Variants in TBC1D22A observed in about 807,000 individuals in gnomAD.
TBC1D22A encodes TBC1 domain family member 22A.
In TBC1D22A, 38 loss-of-function variants were observed where a neutral mutation model predicts 60.2. The observed-to-expected ratio is 0.63, with a 90% CI of 0.49 to 0.83. The LOEUF (loss-of-function observed/expected upper bound fraction) is 0.83, where lower values mean the gene tolerates loss of function less well. Ranked by LOEUF, TBC1D22A falls within the 40% of genes least tolerant of loss-of-function variation. The pLI, the probability that TBC1D22A is intolerant of heterozygous loss-of-function variation, is 0.00. For missense variants in TBC1D22A, 628 were observed against 701.0 expected (o/e 0.90, Z 1.18); for synonymous variants, 302 against 281.7 (o/e 1.07, Z -0.72).
rs183752271 is a variant in TBC1D22A, at chr22:46,892,066, C to T, written c.837+672C>T. ...CATCCAGAATTTGCTGTTAGAATAGCTCTTTGAGGACTTTATAATTCTCAC... is the reference window on the plus strand; with the variant it reads ...CATCCAGAATTTGCTGTTAGAATAGTTCTTTGAGGACTTTATAATTCTCAC... On this transcript the variant is annotated intron_variant, in intron 6 of 12. Coordinates refer to ENST00000337137, the MANE Select transcript of TBC1D22A (RefSeq NM_014346.5). Among the ~76,000 whole-genome samples the T allele has an allele frequency of 6.6e-5, 10 of 152,248 alleles. No homozygotes were observed. The East Asian group carries it at 1.9e-3, about 29-fold the overall frequency.
intron 12 of TBC1D22A, among the ~76,000 whole-genome samples, chr22:47,137,694 G>T (rs13058066): frequency 6.6e-6 from 1 of 152,076 alleles, no homozygotes; most frequent in African/African-American, 2.4e-5. Flanking sequence ...TGAAGCAGGC[G>T]GTATCTTCAT....
At chr22:46,942,977 A>G (rs2072266241) in intron 8 of TBC1D22A, among the ~76,000 whole-genome samples, 1 of 152,202 alleles carries the variant, frequency 6.6e-6, no homozygotes, top group Non-Finnish European at 1.5e-5. Context: ...TGCGTCACCC[A>G]GGACCGCAGG....
chr22:46,826,072 G>T (rs972181827), intron 4 of TBC1D22A, among the ~76,000 whole-genome samples: 1 of 151,956 alleles, frequency 6.6e-6, no homozygotes, highest in Admixed American at 6.6e-5. Context: ...TTAGTGAGAT[G>T]GGGTTTCACC....
intron 8 of TBC1D22A, among the ~76,000 whole-genome samples, chr22:46,953,533 C>G (rs913634116): frequency 6.6e-6 from 1 of 151,952 alleles, no homozygotes; most frequent in African/African-American, 2.4e-5. Context: ...TGGCCTTAAA[C>G]ATGATTTCTT....
At chr22:47,023,238 A>T (rs945002082) in intron 10 of TBC1D22A, among the ~76,000 whole-genome samples, 2 of 152,260 alleles carry the variant, frequency 1.3e-5, no homozygotes, top group African/African-American at 4.8e-5. Context: ...AATGAAAAGC[A>T]TACTGTGTGG....
At chr22:46,820,808 T>C (rs1306622899) in intron 4 of TBC1D22A, among the ~76,000 whole-genome samples, 4 of 152,242 alleles carry the variant, frequency 2.6e-5, no homozygotes. Flanking sequence ...CTTGTTGATC[T>C]AATACTGATA....
At chr22:47,091,402 G>A (rs548870040) in intron 11 of TBC1D22A, among the ~76,000 whole-genome samples, 19 of 137,056 alleles carry the variant, frequency 1.4e-4, no homozygotes, top group Admixed American at 2.9e-4. Context: ...ACGAGAAGTC[G>A]TCTTTGGTGG....
intron 12 of TBC1D22A, among the ~76,000 whole-genome samples, chr22:47,158,407 G>A (rs1483322779): frequency 6.6e-6 from 1 of 152,316 alleles, no homozygotes; most frequent in South Asian, 2.1e-4. Context: ...CACAAAAAAA[G>A]AAGAAAGGGG....
At chr22:47,147,489 A>G (rs777339239) in intron 12 of TBC1D22A, among the ~76,000 whole-genome samples, 22 of 152,154 alleles carry the variant, frequency 1.4e-4, no homozygotes, top group Non-Finnish European at 2.8e-4. Flanking sequence ...CGGTCCTCCA[A>G]CACACACACG....
chr22:46,773,897 C>G (rs2083592175), intron 1 of TBC1D22A: 2 of 980,902 alleles, frequency 2.0e-6, no homozygotes, highest in Non-Finnish European at 1.2e-6. Flanking sequence ...CCACACAGCT[C>G]ATAAGTGGCA....
chr22:47,173,469 C>T, intron 12 of TBC1D22A, 29 bp from the exon 13 acceptor site: 1 of 1,612,322 alleles, frequency 6.2e-7, no homozygotes, highest in South Asian at 1.1e-5. Flanking sequence ...GTCACCTCCT[C>T]TGACCTGGGC....
chr22:46,945,352 TGTG>T (rs1353175424), intron 8 of TBC1D22A, among the ~76,000 whole-genome samples: 63 of 152,332 alleles, frequency 4.1e-4, no homozygotes, highest in Non-Finnish European at 2.9e-5. Flanking sequence ...GTTTGACCGT[TGTG>T]GTGGAGGCGG....
At chr22:46,992,273 C>G (rs749977238) in intron 9 of TBC1D22A, among the ~76,000 whole-genome samples, 14 of 152,276 alleles carry the variant, frequency 9.2e-5, no homozygotes, top group Non-Finnish European at 1.6e-4. Context: ...ACAGGACACG[C>G]TGGATCCCTC....
chr22:46,837,414 G>C (rs2086571495), intron 4 of TBC1D22A, among the ~76,000 whole-genome samples: 1 of 152,164 alleles, frequency 6.6e-6, no homozygotes, highest in Non-Finnish European at 1.5e-5. Context: ...GATATAGACA[G>C]ACCATTCCAT....
rs2068582649 is a variant in TBC1D22A at position 47,173,782 on chromosome 22, T to C, written c.*156T>C. On this transcript the variant is annotated 3_prime_UTR_variant, in exon 13 of 13. Transcript: ENST00000337137. ...AGCTGGTGAAGATGGGCCACAGACCTGGTCTAGGGCTGACAAAGACAGGGA... is the reference window on the plus strand; with the variant it reads ...AGCTGGTGAAGATGGGCCACAGACCCGGTCTAGGGCTGACAAAGACAGGGA... The C allele has an allele frequency of 3.4e-6, 4 of 1,172,968 alleles. No homozygotes were observed. In the Admixed American group the frequency reaches 8.8e-5, roughly 26 times the overall value. The allele number at this position is 1,172,968 out of a possible 1,614,324, so 72.7% of individuals were successfully genotyped here.
At chr22:47,166,181 C>G (rs1355221355) in intron 12 of TBC1D22A, among the ~76,000 whole-genome samples, 2 of 152,074 alleles carry the variant, frequency 1.3e-5, no homozygotes, top group Admixed American at 1.3e-4. Flanking sequence ...CCTGGGGGAG[C>G]CTTCCGGTAT....
At chr22:47,133,006 A>G (rs1209935146) in intron 12 of TBC1D22A, among the ~76,000 whole-genome samples, 1 of 152,254 alleles carries the variant, frequency 6.6e-6, no homozygotes, top group Non-Finnish European at 1.5e-5. Flanking sequence ...CCACCGTCTC[A>G]GGGAGCCAAG....
At chr22:46,871,387 C>T (rs991074529) in intron 4 of TBC1D22A, among the ~76,000 whole-genome samples, 7 of 152,066 alleles carry the variant, frequency 4.6e-5, no homozygotes, top group South Asian at 2.1e-4. Flanking sequence ...TATAAAATAC[C>T]GCATCTACTA....
intron 12 of TBC1D22A, among the ~76,000 whole-genome samples, chr22:47,144,742 G>C (rs971314340): frequency 4.5e-5 from 6 of 134,700 alleles, no homozygotes; most frequent in Non-Finnish European, 8.1e-5. Context: ...GGTGCCTGCT[G>C]GCTGAGATCC....
Sources: allele counts gnomAD v4.1 joint callset (sites outside exome capture counted in the v4.1 genomes callset), GRCh38; gene constraint gnomAD v4.1.1; transcripts MANE v1.5; gene names NCBI Gene and HGNC (gene_info 2026-07-23, HGNC 2026-07-21).